ACER3: variants seen among roughly 807,000 people sequenced by gnomAD.
ACER3 encodes the protein alkCDase 3.
A neutral mutation model predicts 48.9 loss-of-function variants in ACER3; 16 were observed. The observed-to-expected ratio is 0.33, with a 90% confidence interval of 0.22 to 0.50. ACER3 has a LOEUF of 0.50. Ranked by LOEUF, ACER3 falls within the 20% of genes least tolerant of loss-of-function variation. The pLI is 0.98. For missense variants in ACER3, 227 were observed against 326.0 expected (o/e 0.70, Z 2.34); for synonymous variants, 109 against 107.8 (o/e 1.01, Z -0.07).
At chr11:76,862,848 A>C (rs191204210) in intron 1 of ACER3, among the ~76,000 whole-genome samples, 9 of 152,344 alleles carry the variant, frequency 5.9e-5, no homozygotes, top group Admixed American at 3.9e-4. Context: ...TCGAAGGAAA[A>C]AATTATTTAA....
intron 3 of ACER3, among the ~76,000 whole-genome samples, chr11:76,972,758 G>T (rs186169615): frequency 6.6e-6 from 1 of 152,248 alleles, no homozygotes; most frequent in East Asian, 1.9e-4. Context: ...GCTTCCTGAA[G>T]CAGGGGCACG....
At chr11:76,896,509 G>T (rs1366116814) in intron 1 of ACER3, among the ~76,000 whole-genome samples, 2 of 151,546 alleles carry the variant, frequency 1.3e-5, no homozygotes, top group Non-Finnish European at 2.9e-5. Context: ...AAAAAGAAAA[G>T]ACTAGTAGAA....
chr11:76,887,811 C>CTTTTTTTTTT (rs67954212), intron 1 of ACER3, among the ~76,000 whole-genome samples: 1 of 87,188 alleles, frequency 1.1e-5, no homozygotes, highest in Non-Finnish European at 2.3e-5. Flanking sequence ...CTATAGGTAA[C>CTTTTTTTTTT]TTTTTTTTTT....
intron 2 of ACER3, among the ~76,000 whole-genome samples, chr11:76,932,018 G>A (rs1438538561): frequency 1.4e-5 from 2 of 147,344 alleles, no homozygotes; most frequent in Non-Finnish European, 3.0e-5. Flanking sequence ...GTACAATCTT[G>A]GCTCACTGCA....
intron 1 of ACER3, among the ~76,000 whole-genome samples, chr11:76,873,199 G>A (rs547519273): frequency 5.9e-5 from 9 of 152,036 alleles, no homozygotes; most frequent in African/African-American, 2.2e-4. Context: ...AAGCCACCAC[G>A]CCTGGCTGAG....
chr11:76,907,860 G>GA (rs1455742604), intron 1 of ACER3, among the ~76,000 whole-genome samples: 1 of 152,062 alleles, frequency 6.6e-6, no homozygotes, highest in African/African-American at 2.4e-5. Flanking sequence ...GACACAGTGA[G>GA]ATCCTGTCTC....
chr11:76,946,653 T>G (rs1202514416), intron 2 of ACER3, among the ~76,000 whole-genome samples: 2 of 152,180 alleles, frequency 1.3e-5, no homozygotes, highest in Non-Finnish European at 2.9e-5. Context: ...AGCAGGGCAG[T>G]AAGGACCCTC....
intron 2 of ACER3, among the ~76,000 whole-genome samples, chr11:76,935,413 T>A (rs1027635929): frequency 1.3e-5 from 2 of 152,162 alleles, no homozygotes; most frequent in African/African-American, 2.4e-5. Flanking sequence ...GTAAACTGAT[T>A]TAGAATGATC....
intron 2 of ACER3, among the ~76,000 whole-genome samples, chr11:76,954,582 G>A (rs1208195810): frequency 2.0e-5 from 3 of 148,968 alleles, no homozygotes; most frequent in African/African-American, 5.0e-5. Context: ...TTGTTTAGTG[G>A]TTTGGTTGGT....
At chr11:77,016,875 G>A (rs1052081234) in intron 9 of ACER3, 96 bp downstream of exon 9, 9 of 588,126 alleles carry the variant, frequency 1.5e-5, no homozygotes, top group South Asian at 6.5e-5. Flanking sequence ...TAAAACACTA[G>A]AAAATTCACA....
intron 1 of ACER3, among the ~76,000 whole-genome samples, chr11:76,907,209 T>G (rs551621755): frequency 5.9e-5 from 9 of 152,334 alleles, no homozygotes; most frequent in African/African-American, 2.2e-4. Context: ...AAACAAGCAT[T>G]CTTTATGATA....
chr11:76,940,360 A>G (rs1237492049), intron 2 of ACER3, among the ~76,000 whole-genome samples: 1 of 152,228 alleles, frequency 6.6e-6, no homozygotes, highest in Non-Finnish European at 1.5e-5. Context: ...AAGGTTGTAT[A>G]GGAGTTCATT....
chr11:76,968,715 G>T (rs1360474634), intron 3 of ACER3, among the ~76,000 whole-genome samples: 1 of 152,208 alleles, frequency 6.6e-6, no homozygotes, highest in Non-Finnish European at 1.5e-5. Flanking sequence ...TTTAATAAAT[G>T]GTGCTGGGTA....
intron 1 of ACER3, among the ~76,000 whole-genome samples, chr11:76,902,692 C>T (rs1260952881): frequency 2.6e-5 from 4 of 152,142 alleles, no homozygotes; most frequent in African/African-American, 7.2e-5. Flanking sequence ...GCACTAAACA[C>T]GATAAAAATA....
intron 1 of ACER3, among the ~76,000 whole-genome samples, chr11:76,907,050 C>T (rs1188908716): frequency 6.6e-6 from 1 of 152,146 alleles, no homozygotes; most frequent in Non-Finnish European, 1.5e-5. Flanking sequence ...AAAATAGATA[C>T]TTAATTCACT....
intron 7 of ACER3, among the ~76,000 whole-genome samples, chr11:77,008,027 C>T (rs955377545): frequency 1.3e-5 from 2 of 152,128 alleles, no homozygotes; most frequent in Non-Finnish European, 2.9e-5. Context: ...TCACATTGTT[C>T]TCCATAAATG....
At chr11:76,980,266 A>G (rs1247415520) in intron 4 of ACER3, among the ~76,000 whole-genome samples, 1 of 152,254 alleles carries the variant, frequency 6.6e-6, no homozygotes, top group African/African-American at 2.4e-5. Flanking sequence ...AACATATTTT[A>G]AAAACTATTC....
At chr11:76,867,087 T>C (rs182481064) in intron 1 of ACER3, among the ~76,000 whole-genome samples, 3 of 152,270 alleles carry the variant, frequency 2.0e-5, no homozygotes, top group East Asian at 3.9e-4. Context: ...ATTCAAAATG[T>C]TTTATTTATT....
chr11:76,911,290 G>T (rs1440816760), intron 1 of ACER3, among the ~76,000 whole-genome samples: 1 of 152,114 alleles, frequency 6.6e-6, no homozygotes, highest in East Asian at 1.9e-4. Flanking sequence ...GGAACTGAGG[G>T]TTCCTCCCTC....
Sources: allele counts gnomAD v4.1 joint callset (sites outside exome capture counted in the v4.1 genomes callset), GRCh38; gene constraint gnomAD v4.1.1; transcripts MANE v1.5; gene names NCBI Gene and HGNC (gene_info 2026-07-23, HGNC 2026-07-21).